Variants in SUPT3H observed in about 807,000 individuals in gnomAD.
The protein encoded by SUPT3H is transcription initiation protein SPT3 homolog.
SUPT3H carries 44 observed loss-of-function variants against 44.3 expected under a neutral mutation model. The ratio of observed to expected loss-of-function variants is 0.99; its 90% CI spans 0.78 to 1.28. The LOEUF is 1.28. Ranked by LOEUF, SUPT3H falls within the 50% of genes most tolerant of loss-of-function variation. The pLI, the probability that SUPT3H is intolerant of heterozygous loss-of-function variation, is 0.00. For missense variants in SUPT3H, 380 were observed against 387.1 expected (o/e 0.98, Z 0.15); for synonymous variants, 124 against 125.6 (o/e 0.99, Z 0.09).
intron 3 of SUPT3H, among the ~76,000 whole-genome samples, chr6:45,091,847 G>A (rs6922772): frequency 0.36 from 53,761 of 151,432 alleles, 10,351 homozygotes; most frequent in Non-Finnish European, 0.43. Flanking sequence ...CAGTTTTGGG[G>A]AGAAAAAGTT....
chr6:44,998,266 C>T (rs1323697244), intron 6 of SUPT3H, among the ~76,000 whole-genome samples: 2 of 151,718 alleles, frequency 1.3e-5, no homozygotes, highest in South Asian at 2.1e-4. Flanking sequence ...TCTGAGCATA[C>T]AACTGTTTAA....
At position 45,243,122 on chromosome 6, in the gene SUPT3H, A is replaced by T. The variant is rs887314482; in HGVS notation, c.101+122079T>A. ...GGTGGGAGGATTGCTTGAGACTGGGAGGCAGAGGTTGCAATGAGTTGAGAT... is the reference window on the plus strand; with the variant it reads ...GGTGGGAGGATTGCTTGAGACTGGGTGGCAGAGGTTGCAATGAGTTGAGAT... On this transcript the variant is annotated intron_variant, in intron 2 of 10. Coordinates refer to ENST00000371459, the MANE Select transcript of SUPT3H (RefSeq NM_003599.4). Among the ~76,000 whole-genome samples, 6 of 144,360 alleles carry T rather than the reference A, an allele frequency of 4.2e-5. No individual in the cohort carries two copies. In the Admixed American group the frequency reaches 4.3e-4, roughly 10 times the overall value. 94.7% of individuals were successfully genotyped at this position (144,360 alleles called of 152,430 possible).
chr6:44,887,078 T>C (rs890587479), intron 10 of SUPT3H, among the ~76,000 whole-genome samples: 26 of 152,092 alleles, frequency 1.7e-4, no homozygotes, highest in Non-Finnish European at 1.2e-4. Flanking sequence ...CTATACTAAA[T>C]ATATATGCAC....
chr6:44,955,847 G>A (rs1195951804), intron 7 of SUPT3H, among the ~76,000 whole-genome samples: 3 of 152,148 alleles, frequency 2.0e-5, no homozygotes, highest in African/African-American at 4.8e-5. Context: ...TAGGCTGGGC[G>A]CGGTGGCTCA....
At chr6:45,176,062 G>A (rs539304147) in intron 2 of SUPT3H, among the ~76,000 whole-genome samples, 8 of 151,330 alleles carry the variant, frequency 5.3e-5, no homozygotes, top group Non-Finnish European at 8.8e-5. Flanking sequence ...CTATATCTTG[G>A]GGGGAGGAGC....
intron 2 of SUPT3H, chr6:45,159,144 C>T (rs1808512072): frequency 6.6e-6 from 1 of 152,210 alleles, no homozygotes; most frequent in Non-Finnish European, 1.5e-5. Context: ...TGTCAAGCCT[C>T]TGCTCTTCAA....
At chr6:44,905,200 C>T (rs1765796614) in intron 10 of SUPT3H, among the ~76,000 whole-genome samples, 1 of 152,034 alleles carries the variant, frequency 6.6e-6, no homozygotes, top group African/African-American at 2.4e-5. Flanking sequence ...AGCTTCTGCA[C>T]AGCAAAAGAA....
intron 10 of SUPT3H, among the ~76,000 whole-genome samples, chr6:44,901,788 C>G (rs369191180): frequency 6.6e-6 from 1 of 152,082 alleles, no homozygotes; most frequent in Non-Finnish European, 1.5e-5. Context: ...GTCGGGTTAC[C>G]CACAAAGGGA....
intron 2 of SUPT3H, among the ~76,000 whole-genome samples, chr6:45,272,824 G>A (rs1181364227): frequency 6.6e-6 from 1 of 152,064 alleles, no homozygotes; most frequent in African/African-American, 2.4e-5. Flanking sequence ...TGGCCCTCCA[G>A]AAAGTCAACA....
intron 3 of SUPT3H, among the ~76,000 whole-genome samples, chr6:45,052,893 C>T (rs990682942): frequency 4.6e-5 from 7 of 151,466 alleles, no homozygotes; most frequent in Admixed American, 2.6e-4. Context: ...ACAGGCAATG[C>T]AGAAGGGGGT....
At chr6:44,840,098 G>A (rs1231151864) in intron 10 of SUPT3H, among the ~76,000 whole-genome samples, 1 of 152,218 alleles carries the variant, frequency 6.6e-6, no homozygotes, top group African/African-American at 2.4e-5. Context: ...ACAAAAGAAT[G>A]TGGCTGTTAT....
intron 10 of SUPT3H, among the ~76,000 whole-genome samples, chr6:44,848,701 C>G (rs1772325963): frequency 6.6e-6 from 1 of 152,130 alleles, no homozygotes; most frequent in Non-Finnish European, 1.5e-5. Context: ...CAAGGTACTT[C>G]TACAAGCATT....
intron 10 of SUPT3H, among the ~76,000 whole-genome samples, chr6:44,832,877 T>C (rs1052664981): frequency 1.3e-5 from 2 of 152,136 alleles, no homozygotes; most frequent in East Asian, 3.8e-4. Context: ...TTTTACTTCA[T>C]ATGGACAAGG....
At chr6:45,031,511 T>C (rs998670836) in intron 3 of SUPT3H, among the ~76,000 whole-genome samples, 31 of 152,334 alleles carry the variant, frequency 2.0e-4, no homozygotes, top group African/African-American at 6.5e-4. Flanking sequence ...TAATTTCTCA[T>C]GTAAAATTAC....
intron 2 of SUPT3H, among the ~76,000 whole-genome samples, chr6:45,337,000 T>C (rs772565016): frequency 6.6e-6 from 1 of 151,686 alleles, no homozygotes; most frequent in Non-Finnish European, 1.5e-5. Flanking sequence ...AAAACTTACA[T>C]ACTTAAAACT....
At chr6:45,312,211 G>GT (rs1453192093) in intron 2 of SUPT3H, among the ~76,000 whole-genome samples, 1 of 151,970 alleles carries the variant, frequency 6.6e-6, no homozygotes, top group African/African-American at 2.4e-5. Context: ...AGCAACAACA[G>GT]TTAAAAAAGA....
chr6:44,935,844 A>C (rs79488933), intron 9 of SUPT3H, among the ~76,000 whole-genome samples: 2,979 of 152,330 alleles, frequency 0.02, 57 homozygotes, highest in South Asian at 0.092. Flanking sequence ...ACTGAAACTT[A>C]GGTTTGCCCC....
chr6:45,016,575 T>C (rs533298240), intron 4 of SUPT3H, among the ~76,000 whole-genome samples: 2 of 145,398 alleles, frequency 1.4e-5, no homozygotes, highest in East Asian at 4.2e-4. Flanking sequence ...CTCCCATCTA[T>C]GAGTGAGAAC....
At position 45,124,525 on chromosome 6, in the gene SUPT3H, A is replaced by T. The variant is rs1478764630; in HGVS notation, c.102-18519T>A. 2.0e-5 allele frequency among the ~76,000 whole-genome samples: 3 copies of T among 151,928 alleles called. No individual in the cohort carries two copies. In the East Asian group the frequency reaches 5.8e-4, roughly 30 times the overall value. On this transcript the variant is annotated intron_variant, in intron 2 of 10. Transcript: ENST00000371459. ...CTGGGCATGGTGGTGCATGCCTGTA[A>T]TCCCAGCTGCTTGGAAGGCTGAGGC...
Sources: gnomAD v4.1 joint callset for allele counts (sites outside exome capture counted in the v4.1 genomes callset) on GRCh38, gnomAD v4.1.1 for gene constraint, MANE v1.5 for transcripts, NCBI Gene and HGNC (gene_info 2026-07-23, HGNC 2026-07-21) for gene names.